Variants in PRKCE observed in about 807,000 individuals in gnomAD.
The protein encoded by PRKCE is protein kinase C epsilon type.
PRKCE carries 16 observed loss-of-function variants against 85.4 expected under a neutral mutation model. That is an observed-to-expected ratio of 0.19 (90% CI 0.13 to 0.28). PRKCE has a LOEUF of 0.28. Ranked by LOEUF, PRKCE falls within the 10% of genes least tolerant of loss-of-function variation. The pLI is 1.00. For synonymous variants in PRKCE, 388 were observed against 371.5 expected (o/e 1.04, Z -0.51); for missense variants, 573 against 975.2 (o/e 0.59, Z 5.49).
chr2:45,812,181 A>G (rs552957131), intron 1 of PRKCE, among the ~76,000 whole-genome samples: 134 of 152,314 alleles, frequency 8.8e-4, no homozygotes, highest in African/African-American at 3.2e-3. Flanking sequence ...TGTTCTACTT[A>G]CCTAACAGGA....
At chr2:46,009,129 C>T (rs952870891) in intron 9 of PRKCE, among the ~76,000 whole-genome samples, 5 of 152,142 alleles carry the variant, frequency 3.3e-5, no homozygotes, top group Non-Finnish European at 5.9e-5. Flanking sequence ...ACTTTAAGAA[C>T]ATAGAACTGT....
chr2:45,761,155 G>A (rs1325759229), intron 1 of PRKCE, among the ~76,000 whole-genome samples: 5 of 151,766 alleles, frequency 3.3e-5, no homozygotes, highest in Admixed American at 2.0e-4. Context: ...GTGAAACCTC[G>A]TCTCTACTAA....
intron 10 of PRKCE, among the ~76,000 whole-genome samples, chr2:46,012,908 T>C (rs1705809391): frequency 6.6e-6 from 1 of 152,224 alleles, no homozygotes; most frequent in Non-Finnish European, 1.5e-5. Context: ...ATGGATGTTG[T>C]CATGGATGGC....
intron 1 of PRKCE, among the ~76,000 whole-genome samples, chr2:45,666,781 C>G (rs535779296): frequency 1.3e-5 from 2 of 152,210 alleles, no homozygotes; most frequent in East Asian, 1.9e-4. Flanking sequence ...AAACTCCTGC[C>G]TTTTTGTGCT....
intron 10 of PRKCE, among the ~76,000 whole-genome samples, chr2:46,023,175 G>T (rs910220228): frequency 1.3e-4 from 19 of 150,988 alleles, no homozygotes; most frequent in South Asian, 6.3e-4. Context: ...TGCCTAGAAT[G>T]ATGGCCTGTT....
In PRKCE at chr2:46,053,515, C is replaced by A. The variant is rs528682479; in HGVS notation, c.1438-32693C>A. On this transcript the variant is annotated intron_variant, in intron 10 of 14. Transcript: ENST00000306156. ...GCAGTAAACTCCTCATTACCTACCTCCTTCAGCCCCTGACAACCACCATGC... is the reference window on the plus strand; with the variant it reads ...GCAGTAAACTCCTCATTACCTACCTACTTCAGCCCCTGACAACCACCATGC... 4.6e-5 allele frequency among the ~76,000 whole-genome samples: 7 copies of A among 152,318 alleles called. No homozygotes were observed. The South Asian group carries it at 1.5e-3, about 32-fold the overall frequency.
intron 14 of PRKCE, among the ~76,000 whole-genome samples, chr2:46,170,621 C>A (rs80067637): frequency 6.6e-6 from 1 of 152,138 alleles, no homozygotes; most frequent in African/African-American, 2.4e-5. Context: ...TTTTTCAGCT[C>A]TATCTCAAAA....
At chr2:45,953,148 C>T (rs1396452723) in intron 2 of PRKCE, among the ~76,000 whole-genome samples, 3 of 152,210 alleles carry the variant, frequency 2.0e-5, no homozygotes, top group Non-Finnish European at 4.4e-5. Context: ...ACCCCCTTCC[C>T]CATGGCCAGG....
At chr2:46,047,640 C>T (rs1708607041) in intron 10 of PRKCE, among the ~76,000 whole-genome samples, 2 of 152,172 alleles carry the variant, frequency 1.3e-5, no homozygotes, top group Admixed American at 6.5e-5. Context: ...TGAATTTGAT[C>T]AGGACACACT....
intron 2 of PRKCE, among the ~76,000 whole-genome samples, chr2:45,920,745 A>AG (rs1491358095): frequency 6.6e-6 from 1 of 152,152 alleles, no homozygotes; most frequent in African/African-American, 2.4e-5. Context: ...ATTGGAGAAC[A>AG]GGGGGTGGTC....
At chr2:46,160,521 GCAAT>G (rs1264262464) in intron 14 of PRKCE, among the ~76,000 whole-genome samples, 1 of 152,218 alleles carries the variant, frequency 6.6e-6, no homozygotes, top group Non-Finnish European at 1.5e-5. Context: ...GCCCGTTGAA[GCAAT>G]CAATCATTCA....
At chr2:45,900,885 G>A (rs1244152017) in intron 2 of PRKCE, among the ~76,000 whole-genome samples, 2 of 152,224 alleles carry the variant, frequency 1.3e-5, no homozygotes, top group African/African-American at 4.8e-5. Flanking sequence ...TGACTGCAAG[G>A]AGAACTAGAT....
intron 14 of PRKCE, among the ~76,000 whole-genome samples, chr2:46,179,684 A>G (rs1022011807): frequency 2.6e-5 from 4 of 152,146 alleles, no homozygotes; most frequent in African/African-American, 9.7e-5. Flanking sequence ...GTTTGTTTCT[A>G]TCTTGTGTCA....
intron 1 of PRKCE, among the ~76,000 whole-genome samples, chr2:45,801,603 C>G (rs1439187645): frequency 6.6e-6 from 1 of 152,124 alleles, no homozygotes. Context: ...CTTCAAGATG[C>G]TGGGAATTTA....
chr2:46,118,805 C>T (rs1040538923), intron 11 of PRKCE, among the ~76,000 whole-genome samples: 1 of 152,132 alleles, frequency 6.6e-6, no homozygotes, highest in Non-Finnish European at 1.5e-5. Flanking sequence ...GCAGTTTGGG[C>T]GTTGACCTGT....
intron 1 of PRKCE, among the ~76,000 whole-genome samples, chr2:45,787,129 C>A (rs555603370): frequency 2.0e-4 from 31 of 152,328 alleles, no homozygotes; most frequent in African/African-American, 6.7e-4. Flanking sequence ...GGTGTCCCCC[C>A]AAGCTGGGAG....
chr2:45,997,186 G>A (rs901431984), intron 6 of PRKCE, among the ~76,000 whole-genome samples: 1 of 152,024 alleles, frequency 6.6e-6, no homozygotes, highest in Non-Finnish European at 1.5e-5. Flanking sequence ...TTAATAATTT[G>A]TGTCTTCTCT....
At position 46,105,410 on chromosome 2, in the gene PRKCE, T is replaced by C. The variant is rs563885437; in HGVS notation, c.1592+19048T>C. 5.3e-5 allele frequency among the ~76,000 whole-genome samples: 8 copies of C among 151,860 alleles called. No homozygotes were observed. In the South Asian group the frequency reaches 1.7e-3, roughly 32 times the overall value. On this transcript the variant is annotated intron_variant, in intron 11 of 14. Transcript: ENST00000306156. ...TGCAAGGTTTTCATGCCTGCTGGCA[T>C]AGCTGCAACAACAACTTCACAAATT...
In PRKCE at chr2:46,179,608, G is replaced by C. The variant is rs147257204; in HGVS notation, c.2068-5127G>C. 3.8e-3 allele frequency among the ~76,000 whole-genome samples: 576 copies of C among 152,316 alleles called. 5 individuals are homozygous for C. The highest frequency in any genetic ancestry group is 0.013 in the African/African-American group (537 of 41,552). On this transcript the variant is annotated intron_variant, in intron 14 of 14. Transcript: ENST00000306156. ...CCTCTAACATCAGCCACAGGGGTCA[G>C]ACATACCCACAAAGTCCCTAAACAT...
Sources: gnomAD v4.1 joint callset for allele counts (sites outside exome capture counted in the v4.1 genomes callset) on GRCh38, gnomAD v4.1.1 for gene constraint, MANE v1.5 for transcripts, NCBI Gene and HGNC (gene_info 2026-07-23, HGNC 2026-07-21) for gene names.